FNBP1L: variants seen among roughly 807,000 people sequenced by gnomAD.
The protein encoded by FNBP1L is formin-binding protein 1-like.
Under a neutral mutation model 91.2 loss-of-function variants are expected in FNBP1L, and 36 were observed. The observed-to-expected ratio is 0.39, with a 90% CI of 0.30 to 0.52. FNBP1L has a LOEUF of 0.52. FNBP1L is among the 20% of genes least tolerant of loss of function. The pLI is 0.66. For synonymous variants in FNBP1L, 242 were observed against 237.0 expected, an observed-to-expected ratio of 1.02 and a Z score of -0.19; for missense variants, 571 against 732.1, an observed-to-expected ratio of 0.78 and a Z score of 2.54.
intron 1 of FNBP1L, among the ~76,000 whole-genome samples, chr1:93,496,981 GAC>G (rs1221879227): frequency 1.3e-5 from 2 of 151,982 alleles, no homozygotes; most frequent in Non-Finnish European, 2.9e-5. Context: ...TTTTTTTTGA[GAC>G]AGAGTCTCGC....
chr1:93,542,898 C>T (rs574260028), intron 11 of FNBP1L, among the ~76,000 whole-genome samples: 1 of 151,526 alleles, frequency 6.6e-6, no homozygotes, highest in East Asian at 1.9e-4. Flanking sequence ...ATTCTCCTGC[C>T]TCAGCCTCTC....
chr1:93,529,519 C>T lies in FNBP1L; in HGVS notation c.406-133C>T, dbSNP rs911287440. Reference sequence around the variant, plus strand: ...GGTTTGTTACATAGGTATACATGTTCCATGGTGGTTTGCTGCACCCATCAA... The same window carrying T: ...GGTTTGTTACATAGGTATACATGTTTCATGGTGGTTTGCTGCACCCATCAA... On this transcript the variant is annotated intron_variant, in intron 5 of 16. Coordinates refer to ENST00000271234, the MANE Select transcript of FNBP1L (RefSeq NM_001164473.3). 6 of 525,190 alleles carry T rather than the reference C, an allele frequency of 1.1e-5. No homozygotes were observed. In the African/African-American group the frequency reaches 1.2e-4, roughly 11 times the overall value. The allele number at this position is 525,190 out of a possible 1,614,324, so 32.5% of individuals were successfully genotyped here.
At position 93,465,394 on chromosome 1, in the gene FNBP1L, C is replaced by T. The variant is rs150783252; in HGVS notation, c.24+17089C>T. Among the ~76,000 whole-genome samples the T allele has an allele frequency of 8.1e-3, 1,235 of 151,934 alleles. 38 individuals are homozygous for T. In the East Asian group the frequency reaches 0.091, roughly 11 times the overall value. On this transcript the variant is annotated intron_variant, in intron 1 of 16. Coordinates refer to ENST00000271234, the MANE Select transcript of FNBP1L (RefSeq NM_001164473.3). Reference sequence around the variant, plus strand: ...ACAGGCCGCGGTGTGTGATGTTCACCGCCTTGTGTCCAAGTGATCTCATTG... The same window carrying T: ...ACAGGCCGCGGTGTGTGATGTTCACTGCCTTGTGTCCAAGTGATCTCATTG...
intron 7 of FNBP1L, among the ~76,000 whole-genome samples, chr1:93,532,487 A>AAG (rs1671710601): frequency 6.6e-6 from 1 of 151,102 alleles, no homozygotes; most frequent in Non-Finnish European, 1.5e-5. Context: ...AAAAAAAAAA[A>AAG]AAGTCTCAGT....
chr1:93,525,935 C>T (rs976934968), intron 5 of FNBP1L, among the ~76,000 whole-genome samples: 3 of 152,136 alleles, frequency 2.0e-5, no homozygotes, highest in African/African-American at 7.2e-5. Context: ...GTGTAGGATT[C>T]TATTTCCTAG....
Position 93,533,119 on chromosome 1 carries a change from A to G in FNBP1L, c.786+51A>G. The stretch of plus-strand genomic sequence containing the variant: ...ATGCATCTGTTTGGTTTAGGTGTGC[A>G]GTTTAAGTTAGTGAAATGAGTTGAG... On this transcript the variant is annotated intron_variant, in intron 8 of 16. Coordinates refer to ENST00000271234, the MANE Select transcript of FNBP1L (RefSeq NM_001164473.3). The G allele has an allele frequency of 3.3e-6, 5 of 1,523,166 alleles. No individual in the cohort carries two copies. In the Admixed American group the frequency reaches 7.1e-5, roughly 22 times the overall value. The allele number at this position is 1,523,166 out of a possible 1,614,324, so 94.4% of individuals were successfully genotyped here. A position where few individuals can be genotyped will look rare whatever the true frequency, so the allele number is the denominator to read the frequency against.
At chr1:93,503,414 C>G (rs1477280506) in intron 2 of FNBP1L, among the ~76,000 whole-genome samples, 1 of 152,126 alleles carries the variant, frequency 6.6e-6, no homozygotes, top group African/African-American at 2.4e-5. Flanking sequence ...GGTAAGGACA[C>G]AGCCAAATCA....
chr1:93,535,874 C>T (rs1341033383), intron 9 of FNBP1L, among the ~76,000 whole-genome samples: 1 of 151,496 alleles, frequency 6.6e-6, no homozygotes, highest in East Asian at 1.9e-4. Context: ...AGAGGAAAGC[C>T]ATGAATGTAA....
chr1:93,456,630 A>G lies in FNBP1L; in HGVS notation c.24+8325A>G, dbSNP rs1273155395. On this transcript the variant is annotated intron_variant, in intron 1 of 16. Coordinates refer to ENST00000271234, the MANE Select transcript of FNBP1L (RefSeq NM_001164473.3). ...AAAAAAAAAAAAAAAAAAAGCAAAA[A>G]TAAGCTGGGCGTGGTGGTGGGCACC... Among the ~76,000 whole-genome samples, 4 of 150,918 alleles carry G rather than the reference A, an allele frequency of 2.7e-5. No homozygotes were observed. In the East Asian group the frequency reaches 7.9e-4, roughly 30 times the overall value.
At chr1:93,517,321 CTTCTTTTTT>C (rs1296193627) in intron 2 of FNBP1L, among the ~76,000 whole-genome samples, 3 of 151,774 alleles carry the variant, frequency 2.0e-5, no homozygotes, top group Non-Finnish European at 2.9e-5. Context: ...TCTTAAGTGT[CTTCTTTTTT>C]TTCTTTTTTT....
intron 1 of FNBP1L, among the ~76,000 whole-genome samples, chr1:93,482,738 A>G (rs776821876): frequency 6.6e-6 from 1 of 152,128 alleles, no homozygotes; most frequent in South Asian, 2.1e-4. Flanking sequence ...TACAAAAAAT[A>G]CAAAAACTTA....
intron 1 of FNBP1L, among the ~76,000 whole-genome samples, chr1:93,474,510 G>A (rs1319745777): frequency 1.3e-5 from 2 of 152,212 alleles, no homozygotes; most frequent in Non-Finnish European, 2.9e-5. Context: ...GATGAGAGCT[G>A]TGGAAACTTA....
intron 1 of FNBP1L, among the ~76,000 whole-genome samples, chr1:93,473,435 T>C (rs965976244): frequency 1.3e-5 from 2 of 152,226 alleles, no homozygotes; most frequent in African/African-American, 4.8e-5. Flanking sequence ...CATGTAAAGC[T>C]AAACTCTGAT....
chr1:93,452,719 A>G (rs1668537542), intron 1 of FNBP1L, among the ~76,000 whole-genome samples: 1 of 152,148 alleles, frequency 6.6e-6, no homozygotes, highest in Non-Finnish European at 1.5e-5. Flanking sequence ...ATTGACTTTA[A>G]TTTTACTTCA....
rs34093849 is a variant in FNBP1L, at chr1:93,532,525, TA to T, written c.640-383del. Among the ~76,000 whole-genome samples, 332 of 134,692 alleles carry T rather than the reference TA, an allele frequency of 2.5e-3. 2 individuals are homozygous for T. Among genetic ancestry groups the T allele is most frequent in the South Asian group, 7.0e-3 (29 of 4,152 alleles). 88.4% of individuals were successfully genotyped at this position (134,692 alleles called of 152,430 possible). ...TGTATATGTTATGGGCCAGTTGCTTTAAAAAAAAAAAAAAGCACCAGAATTT... is the reference window on the plus strand; with the variant it reads ...TGTATATGTTATGGGCCAGTTGCTTTAAAAAAAAAAAAAGCACCAGAATTT... On this transcript the variant is annotated intron_variant, in intron 7 of 16. Coordinates refer to ENST00000271234, the MANE Select transcript of FNBP1L (RefSeq NM_001164473.3).
At chr1:93,504,862 C>G (rs558676016) in intron 2 of FNBP1L, among the ~76,000 whole-genome samples, 41 of 152,212 alleles carry the variant, frequency 2.7e-4, no homozygotes, top group Non-Finnish European at 5.3e-4. Flanking sequence ...TTTGCACATT[C>G]TTTCTCCCAT....
chr1:93,468,870 A>G (rs1449554531), intron 1 of FNBP1L, among the ~76,000 whole-genome samples: 1 of 152,206 alleles, frequency 6.6e-6, no homozygotes, highest in Non-Finnish European at 1.5e-5. Flanking sequence ...TATTACCACC[A>G]GGAATGTGTG....
chr1:93,486,810 T>C (rs140998875), intron 1 of FNBP1L, among the ~76,000 whole-genome samples: 440 of 152,340 alleles, frequency 2.9e-3, no homozygotes, highest in Admixed American at 5.8e-3. Context: ...GGCTCAGTGC[T>C]CATTGCTCCA....
chr1:93,549,275 T>C lies in FNBP1L; in HGVS notation c.1503-3T>C, dbSNP rs773442200. On this transcript the variant is annotated splice_region_variant and splice_polypyrimidine_tract_variant and intron_variant, in intron 14 of 16. Transcript: ENST00000271234. ...TGATCAGAGATAATTTTTTGTTTTATAGTCCTGAGGGAAGTTACACTGATG... is the reference window on the plus strand; with the variant it reads ...TGATCAGAGATAATTTTTTGTTTTACAGTCCTGAGGGAAGTTACACTGATG... The C allele has an allele frequency of 1.9e-6, 3 of 1,597,704 alleles. No individual in the cohort carries two copies. Among genetic ancestry groups the C allele is most frequent in the Non-Finnish European group, 2.6e-6 (3 of 1,175,070 alleles).
Sources: allele counts gnomAD v4.1 joint callset (sites outside exome capture counted in the v4.1 genomes callset), GRCh38; gene constraint gnomAD v4.1.1; transcripts MANE v1.5; gene names NCBI Gene and HGNC (gene_info 2026-07-23, HGNC 2026-07-21).